HEPH: variants seen among roughly 807,000 people sequenced by gnomAD.
HEPH encodes the protein hephaestin.
In HEPH, 69 loss-of-function variants were observed where a neutral mutation model predicts 80.8. The observed-to-expected ratio is 0.85, with a 90% CI of 0.70 to 1.04. The LOEUF (loss-of-function observed/expected upper bound fraction) is 1.04. HEPH is among the 50% of genes least tolerant of loss of function. HEPH has a pLI of 0.00. For missense variants in HEPH, 1,115 were observed against 891.3 expected, an observed-to-expected ratio of 1.25 and a Z score of -3.20; for synonymous variants, 431 against 322.8, an observed-to-expected ratio of 1.34 and a Z score of -3.60.
intron 15 of HEPH, among the ~76,000 whole-genome samples, chrX:66,231,331 G>T (rs1431674897): frequency 3.8e-5 from 4 of 105,207 alleles, no homozygotes; most frequent in African/African-American, 1.4e-4. Context: ...TTGGTAGCTT[G>T]ATGGGGATGG....
intron 12 of HEPH, among the ~76,000 whole-genome samples, 154 bp from the exon 13 acceptor site, chrX:66,203,209 TA>T (rs2088564054): frequency 1.8e-5 from 2 of 110,419 alleles, no homozygotes; most frequent in East Asian, 5.7e-4. Flanking sequence ...AAACTTTAAA[TA>T]CTCTTTTATC....
In HEPH at chrX:66,208,040, G is replaced by T. The variant is rs932146087; in HGVS notation, c.2432-75G>T. The T allele has an allele frequency of 3.9e-5, 30 of 775,526 alleles. No homozygotes were observed. The Admixed American group carries it at 8.2e-4, about 21-fold the overall frequency. The allele number at this position is 775,526 out of a possible 1,213,427, so 63.9% of individuals were successfully genotyped here. A position where few individuals can be genotyped will look rare whatever the true frequency, so the allele number is the denominator to read the frequency against. ...CTAATTCTATGAAGTGCTCATATAT[G>T]TCCCTTTCTTTAATGCTCCCTGTGC... On this transcript the variant is annotated intron_variant, in intron 14 of 20. Transcript: ENST00000343002.
At chrX:66,189,996 G>A (rs2087706246) in intron 6 of HEPH, 58 bp downstream of exon 6, 1 of 1,095,079 alleles carries the variant, frequency 9.1e-7, no homozygotes, top group Non-Finnish European at 1.2e-6. Flanking sequence ...TAATGGTCAA[G>A]GGAGGCTGGG....
At chrX:66,267,953 A>G (rs1252717219), downstream of HEPH, 1 of 111,786 alleles carries the variant, frequency 8.9e-6, no homozygotes, top group Non-Finnish European at 1.9e-5. Flanking sequence ...CAAGGAGAGA[A>G]AAGATGATAA....
intron 15 of HEPH, among the ~76,000 whole-genome samples, chrX:66,253,078 A>G (rs1480194002): frequency 8.9e-6 from 1 of 112,598 alleles, no homozygotes; most frequent in African/African-American, 3.2e-5. Context: ...TAAAAGCACA[A>G]GTGAACAAAT....
intron 11 of HEPH, among the ~76,000 whole-genome samples, chrX:66,200,241 G>GGT (rs57136656): frequency 0.044 from 4,052 of 91,130 alleles, 84 homozygotes; most frequent in Non-Finnish European, 0.057. Flanking sequence ...AGGAGAGATT[G>GGT]GTGTGTGTGT....
At chrX:66,167,518 C>T (rs1030352883) in intron 1 of HEPH, among the ~76,000 whole-genome samples, 22 of 112,228 alleles carry the variant, frequency 2.0e-4, no homozygotes, top group Non-Finnish European at 3.4e-4. Flanking sequence ...TTTGTTGACA[C>T]CTCTCTGAGA....
chrX:66,204,432 G>C (rs373690296), intron 13 of HEPH, among the ~76,000 whole-genome samples: 7 of 112,156 alleles, frequency 6.2e-5, no homozygotes, highest in Non-Finnish European at 1.3e-4. Context: ...TGCGTTGTTC[G>C]TTGAAGGTTG....
At chrX:66,225,064 G>A (rs2089821633) in intron 15 of HEPH, among the ~76,000 whole-genome samples, 1 of 110,716 alleles carries the variant, frequency 9.0e-6, no homozygotes, top group Non-Finnish European at 1.9e-5. Context: ...TATGGGAACT[G>A]GTCTGGGTAC....
chrX:66,225,211 T>C (rs1245707246), intron 15 of HEPH, among the ~76,000 whole-genome samples: 2 of 111,610 alleles, frequency 1.8e-5, no homozygotes, highest in African/African-American at 6.5e-5. Context: ...GTAATAGTAC[T>C]CCATCGTCTC....
Position 66,208,194 on chromosome X carries a change from T to G in HEPH, c.2511T>G (p.His837Gln). Residue 837 changes from histidine (H) to glutamine (Q), a missense_variant, in exon 15 of 21, where the codon CAT (histidine) becomes CAG (glutamine). Around this residue, in one of 3 missense-constraint regions of HEPH, gnomAD observed 716 missense variants for 523.5 expected, o/e 1.37. Coordinates refer to ENST00000343002, the MANE Select transcript of HEPH (RefSeq NM_001367233.3). ...KNNASRPYSV[H>Q]AHGVLESTTV... The stretch of plus-strand genomic sequence containing the variant: ...ATGCCAGCCGCCCCTACTCTGTGCA[T>G]GCTCATGGAGTGCTAGAATCTACTA... 28 of 1,208,608 alleles carry G rather than the reference T, an allele frequency of 2.3e-5. No individual in the cohort carries two copies. The highest frequency in any genetic ancestry group is 3.0e-5 in the Non-Finnish European group (27 of 892,865).
Position 66,266,758 on chromosome X carries a change from A to C in HEPH, c.*86A>C. The C allele has an allele frequency of 1.8e-6, 1 of 570,717 alleles. No homozygotes were observed. The highest frequency in any genetic ancestry group is 2.9e-6 in the Non-Finnish European group (1 of 346,714). The allele number at this position is 570,717 out of a possible 1,213,427, so 47.0% of individuals were successfully genotyped here. On this transcript the variant is annotated 3_prime_UTR_variant, in exon 21 of 21. Transcript: ENST00000343002. ...GGACTAGTCACTAACCCCACACTCAAAGGGGCATGGGTGGTGGAGAAGCAG... is the reference window on the plus strand; with the variant it reads ...GGACTAGTCACTAACCCCACACTCACAGGGGCATGGGTGGTGGAGAAGCAG...
chrX:66,243,886 C>T (rs1267277276), intron 15 of HEPH, among the ~76,000 whole-genome samples: 1 of 112,117 alleles, frequency 8.9e-6, no homozygotes, highest in African/African-American at 3.2e-5. Context: ...TTAGCATTTG[C>T]CTGCCTGAAA....
chrX:66,186,655 C>T (rs934565761), intron 4 of HEPH, among the ~76,000 whole-genome samples: 3 of 111,693 alleles, frequency 2.7e-5, no homozygotes, highest in Non-Finnish European at 5.7e-5. Context: ...CAGAAATCAC[C>T]CGTCTTCTGC....
chrX:66,242,083 A>C (rs1468951351), intron 15 of HEPH, among the ~76,000 whole-genome samples: 8 of 110,934 alleles, frequency 7.2e-5, no homozygotes, highest in Non-Finnish European at 1.3e-4. Flanking sequence ...GAAAAAAAAA[A>C]AAACTGAAGG....
At chrX:66,199,992 G>A (rs1407185419) in intron 11 of HEPH, among the ~76,000 whole-genome samples, 1 of 108,789 alleles carries the variant, frequency 9.2e-6, no homozygotes, top group South Asian at 4.1e-4. Flanking sequence ...GGGTACCAGA[G>A]AGGAGGCTAT....
chrX:66,178,582 T>A (rs2147574886), intron 4 of HEPH, among the ~76,000 whole-genome samples: 1 of 112,251 alleles, frequency 8.9e-6, no homozygotes, highest in African/African-American at 3.2e-5. Context: ...GTGTTCCTAT[T>A]TCTCCACATC....
intron 13 of HEPH, among the ~76,000 whole-genome samples, chrX:66,204,873 A>C (rs976148900): frequency 3.6e-5 from 4 of 112,224 alleles, no homozygotes; most frequent in Admixed American, 9.4e-5. Flanking sequence ...ATATAATATT[A>C]GTTGCTAGCA....
At chrX:66,172,968 T>C (rs1016718873) in intron 3 of HEPH, among the ~76,000 whole-genome samples, 1 of 112,601 alleles carries the variant, frequency 8.9e-6, no homozygotes, top group African/African-American at 3.2e-5. Context: ...GTCACAGTCT[T>C]CTGAAAGTTC....
Sources: allele counts gnomAD v4.1 joint callset (sites outside exome capture counted in the v4.1 genomes callset), GRCh38; gene constraint gnomAD v4.1.1; regional missense constraint gnomAD v4.1.1; transcripts MANE v1.5; gene names NCBI Gene and HGNC (gene_info 2026-07-23, HGNC 2026-07-21).